Variants in ADGRL3 observed in about 807,000 individuals in gnomAD.
The protein encoded by ADGRL3 is adhesion G protein-coupled receptor L3.
In ADGRL3, 62 loss-of-function variants were observed where a neutral mutation model predicts 153.5. The ratio of observed to expected loss-of-function variants is 0.40; its 90% CI spans 0.33 to 0.50. ADGRL3 has a LOEUF of 0.50. ADGRL3 is among the 20% of genes least tolerant of loss of function. The probability of loss-of-function intolerance (pLI) is 0.47; values close to 1 mark genes in which losing one functional copy is unlikely to be tolerated. For missense variants in ADGRL3, 1,641 were observed against 1,859.4 expected (o/e 0.88, Z 2.16); for synonymous variants, 710 against 672.5 (o/e 1.06, Z -0.86).
intron 2 of ADGRL3, among the ~76,000 whole-genome samples, chr4:61,414,147 C>T (rs2097120945): frequency 6.6e-6 from 1 of 152,186 alleles, no homozygotes; most frequent in South Asian, 2.1e-4. Context: ...CACTATTAGT[C>T]TGCCACAGAC....
intron 2 of ADGRL3, among the ~76,000 whole-genome samples, chr4:61,478,845 G>T (rs1400498433): frequency 6.6e-6 from 1 of 151,894 alleles, no homozygotes; most frequent in Non-Finnish European, 1.5e-5. Flanking sequence ...CTATATTAAT[G>T]TGAACTCAAA....
In ADGRL3 at chr4:61,793,414, C is replaced by T. The variant is rs544402926; in HGVS notation, c.1400-20395C>T. 6.6e-5 allele frequency among the ~76,000 whole-genome samples: 10 copies of T among 152,180 alleles called. 1 individual carries two copies. The South Asian group carries it at 1.7e-3, about 25-fold the overall frequency. On this transcript the variant is annotated intron_variant, in intron 8 of 26. Coordinates refer to ENST00000683033, the MANE Select transcript of ADGRL3 (RefSeq NM_001387552.1). ...CTCCAGCCTGGGCGACAGAGCGAGACTCCATCAAAAACAAACAAACAAACA... is the reference window on the plus strand; with the variant it reads ...CTCCAGCCTGGGCGACAGAGCGAGATTCCATCAAAAACAAACAAACAAACA...
chr4:61,822,764 G>A (rs571497804), intron 9 of ADGRL3, among the ~76,000 whole-genome samples: 11 of 151,948 alleles, frequency 7.2e-5, no homozygotes, highest in African/African-American at 2.4e-4. Context: ...TTGTCCTGGT[G>A]GTCTCTAAAG....
chr4:61,500,910 A>G (rs1444116039), intron 3 of ADGRL3, among the ~76,000 whole-genome samples: 3 of 152,218 alleles, frequency 2.0e-5, no homozygotes, highest in Non-Finnish European at 4.4e-5. Flanking sequence ...AAAATCAAGG[A>G]CTTGGCTTTT....
chr4:61,289,200 A>G (rs1390541865), intron 1 of ADGRL3, among the ~76,000 whole-genome samples: 1 of 151,930 alleles, frequency 6.6e-6, no homozygotes, highest in Non-Finnish European at 1.5e-5. Flanking sequence ...ATGACTGGCT[A>G]TCTGTCCACT....
intron 8 of ADGRL3, among the ~76,000 whole-genome samples, chr4:61,748,733 G>A (rs2152024364): frequency 6.6e-6 from 1 of 152,206 alleles, no homozygotes; most frequent in Admixed American, 6.5e-5. Flanking sequence ...AGACTTAAAT[G>A]TTAGACCTAA....
At chr4:61,535,803 G>A (rs566679404) in intron 4 of ADGRL3, among the ~76,000 whole-genome samples, 13 of 151,540 alleles carry the variant, frequency 8.6e-5, no homozygotes, top group South Asian at 2.1e-4. Flanking sequence ...TTTCTTCTTC[G>A]TTAATCTAGC....
chr4:61,845,749 C>T (rs951337606), intron 9 of ADGRL3, among the ~76,000 whole-genome samples: 16 of 152,116 alleles, frequency 1.1e-4, no homozygotes, highest in African/African-American at 3.6e-4. Context: ...ATTATTAACG[C>T]TTAATGACAG....
At chr4:61,384,473 G>T (rs1400236533) in intron 2 of ADGRL3, among the ~76,000 whole-genome samples, 1 of 150,720 alleles carries the variant, frequency 6.6e-6, no homozygotes, top group Non-Finnish European at 1.5e-5. Flanking sequence ...ATAGATATAT[G>T]TATAAATAAT....
In ADGRL3 at chr4:62,068,201, A is replaced by G; in HGVS notation, c.3832+18A>G. 1 of 1,586,664 alleles carries G rather than the reference A, an allele frequency of 6.3e-7. No individual in the cohort carries two copies. The highest frequency in any genetic ancestry group is 8.5e-7 in the Non-Finnish European group (1 of 1,173,882). On this transcript the variant is annotated intron_variant, in intron 26 of 26. Coordinates refer to ENST00000683033, the MANE Select transcript of ADGRL3 (RefSeq NM_001387552.1). ...AGAGACAAGTATGGGAGTAAAGCTA[A>G]ACATTGCATATCAAATGTAATTTTT...
intron 25 of ADGRL3, chr4:62,063,666 G>T (rs1741424963): frequency 3.1e-6 from 2 of 646,626 alleles, no homozygotes; most frequent in Non-Finnish European, 2.8e-6. Flanking sequence ...TTTTTCAAGT[G>T]AGAGTCCCAT....
At chr4:61,956,380 G>T (rs565922413) in intron 17 of ADGRL3, among the ~76,000 whole-genome samples, 1 of 152,062 alleles carries the variant, frequency 6.6e-6, no homozygotes, top group African/African-American at 2.4e-5. Flanking sequence ...TTTGGATGGG[G>T]TTGTTTGTTT....
At chr4:61,455,910 G>A (rs2064984217) in intron 2 of ADGRL3, among the ~76,000 whole-genome samples, 1 of 151,794 alleles carries the variant, frequency 6.6e-6, no homozygotes, top group Non-Finnish European at 1.5e-5. Flanking sequence ...CCACCTCCTG[G>A]GTTCAAGTGA....
intron 17 of ADGRL3, 64 bp from the exon 18 acceptor site, chr4:61,979,499 C>G: frequency 1.5e-6 from 2 of 1,327,610 alleles, no homozygotes; most frequent in Non-Finnish European, 2.2e-6. Context: ...CATCCAGGCC[C>G]TTATAAAACT....
intron 8 of ADGRL3, among the ~76,000 whole-genome samples, chr4:61,777,314 T>TA (rs2097163941): frequency 6.6e-6 from 1 of 151,306 alleles, no homozygotes; most frequent in Non-Finnish European, 1.5e-5. Flanking sequence ...GCCTGGGCCA[T>TA]AGAGCCCAAG....
At chr4:61,452,709 A>G (rs939418557) in intron 2 of ADGRL3, among the ~76,000 whole-genome samples, 5 of 152,186 alleles carry the variant, frequency 3.3e-5, no homozygotes, top group African/African-American at 1.2e-4. Context: ...AGTGAATATA[A>G]TATGTCTGCA....
intron 6 of ADGRL3, among the ~76,000 whole-genome samples, chr4:61,702,074 C>T (rs1458049608): frequency 1.3e-5 from 2 of 152,128 alleles, no homozygotes; most frequent in African/African-American, 2.4e-5. Flanking sequence ...GAAGGGGTCA[C>T]TTGCAGGGCT....
intron 2 of ADGRL3, among the ~76,000 whole-genome samples, chr4:61,466,050 A>C (rs1269666751): frequency 6.6e-6 from 1 of 151,858 alleles, no homozygotes; most frequent in Non-Finnish European, 1.5e-5. Context: ...TGAACTCGGG[A>C]GGCGGATGTT....
At chr4:61,544,326 A>C (rs983882279) in intron 4 of ADGRL3, among the ~76,000 whole-genome samples, 2 of 152,216 alleles carry the variant, frequency 1.3e-5, no homozygotes, top group African/African-American at 4.8e-5. Flanking sequence ...TGATTACTAA[A>C]GAGAATGAAC....
Sources: gnomAD v4.1 joint callset for allele counts (sites outside exome capture counted in the v4.1 genomes callset) on GRCh38, gnomAD v4.1.1 for gene constraint, MANE v1.5 for transcripts, NCBI Gene and HGNC (gene_info 2026-07-23, HGNC 2026-07-21) for gene names.